SPAG9: variants seen among roughly 807,000 people sequenced by gnomAD.
The protein encoded by SPAG9 is C-Jun-amino-terminal kinase-interacting protein 4.
In SPAG9, 35 loss-of-function variants were observed where a neutral mutation model predicts 166.5. The observed-to-expected ratio is 0.21, with a 90% CI of 0.16 to 0.28. The LOEUF is 0.28. Ranked by LOEUF, SPAG9 falls within the 10% of genes least tolerant of loss-of-function variation. The probability of loss-of-function intolerance (pLI) is 1.00; values close to 1 mark genes in which losing one functional copy is unlikely to be tolerated. For missense variants in SPAG9, 1,235 were observed against 1,603.3 expected (o/e 0.77, Z 3.92); for synonymous variants, 534 against 565.5 (o/e 0.94, Z 0.79).
chr17:51,002,669 G>A (rs2045009291), intron 12 of SPAG9, among the ~76,000 whole-genome samples: 1 of 151,676 alleles, frequency 6.6e-6, no homozygotes, highest in African/African-American at 2.4e-5. Flanking sequence ...GAGGTAGGAG[G>A]ATTGCTTCAG....
chr17:51,069,205 C>A (rs1233709242), intron 2 of SPAG9, among the ~76,000 whole-genome samples: 1 of 151,836 alleles, frequency 6.6e-6, no homozygotes, highest in Non-Finnish European at 1.5e-5. Flanking sequence ...AAACACATAT[C>A]ATCATTAAAA....
chr17:51,048,700 A>G (rs2047098592), intron 3 of SPAG9, among the ~76,000 whole-genome samples: 2 of 152,200 alleles, frequency 1.3e-5, no homozygotes, highest in Non-Finnish European at 2.9e-5. Context: ...TAGGAAATGT[A>G]AGTTAATTTT....
rs1975463964 is a variant in SPAG9 at position 50,990,640 on chromosome 17, T to A, written c.2427A>T (p.Gly809=). The A allele has an allele frequency of 6.2e-7, 1 of 1,614,030 alleles. No homozygotes were observed. Among genetic ancestry groups the A allele is most frequent in the African/African-American group, 1.3e-5 (1 of 74,922 alleles). ...PGARETDYPA[G]EDLSESGQVD... ...CCTGACCAGATTCTGAAAGATCTTCTCCTGCAGGGTAGTCTGTTTCTCGTG... is the reference window on the plus strand; with the variant it reads ...CCTGACCAGATTCTGAAAGATCTTCACCTGCAGGGTAGTCTGTTTCTCGTG... Residue 809 remains glycine, a synonymous_variant, in exon 20 of 30, where the codon GGA becomes GGT. Coordinates refer to ENST00000262013, the MANE Select transcript of SPAG9 (RefSeq NM_001130528.3).
rs774731744 is a variant in SPAG9 at position 50,996,707 on chromosome 17, A to G, written c.1839-13T>C. On this transcript the variant is annotated splice_polypyrimidine_tract_variant and intron_variant, in intron 15 of 29. Coordinates refer to ENST00000262013, the MANE Select transcript of SPAG9 (RefSeq NM_001130528.3). The stretch of plus-strand genomic sequence containing the variant: ...ACTAGCTTCAGTTCTAAAAGGAAAA[A>G]AGATTTTCCTAATTACATGAATACG... 3 of 1,613,290 alleles carry G rather than the reference A, an allele frequency of 1.9e-6. No homozygotes were observed. In the East Asian group the frequency reaches 6.7e-5, roughly 36 times the overall value.
rs531277787 is a variant in SPAG9 at position 51,108,835 on chromosome 17, T to A, written c.303+11519A>T. Among the ~76,000 whole-genome samples the A allele has an allele frequency of 6.9e-4, 105 of 152,104 alleles. 3 individuals are homozygous for A. Among genetic ancestry groups the A allele is most frequent in the African/African-American group, 1.4e-3 (57 of 41,518 alleles). On this transcript the variant is annotated intron_variant, in intron 1 of 29. Coordinates refer to ENST00000262013, the MANE Select transcript of SPAG9 (RefSeq NM_001130528.3). ...ATGTGATAATTTTATTTATTTATTT[T>A]TATTTTTTTTTGAGACAAAAGTTTC...
At chr17:51,008,044 T>C (rs2045300729) in intron 9 of SPAG9, among the ~76,000 whole-genome samples, 1 of 152,190 alleles carries the variant, frequency 6.6e-6, no homozygotes, top group Admixed American at 6.5e-5. Context: ...CCTTCATTCA[T>C]AAGGATGCTG....
intron 3 of SPAG9, among the ~76,000 whole-genome samples, chr17:51,048,591 G>A (rs901124339): frequency 2.6e-5 from 4 of 151,958 alleles, no homozygotes; most frequent in Admixed American, 1.3e-4. Flanking sequence ...AATATGCACT[G>A]TAGCATATTA....
intron 9 of SPAG9, among the ~76,000 whole-genome samples, chr17:51,013,224 A>T (rs73346153): frequency 1.3e-3 from 205 of 152,270 alleles, no homozygotes; most frequent in African/African-American, 4.7e-3. Context: ...ATAGATACAA[A>T]TTTTTTTAGC....
At chr17:50,984,130 A>C (rs1438704906) in intron 24 of SPAG9, among the ~76,000 whole-genome samples, 1 of 152,132 alleles carries the variant, frequency 6.6e-6, no homozygotes, top group Non-Finnish European at 1.5e-5. Flanking sequence ...ATACATACTA[A>C]ATTCCCTCAA....
At chr17:51,032,596 CAA>C (rs2046423211) in intron 5 of SPAG9, among the ~76,000 whole-genome samples, 1 of 152,164 alleles carries the variant, frequency 6.6e-6, no homozygotes, top group Non-Finnish European at 1.5e-5. Flanking sequence ...GGAAATTCAT[CAA>C]AGTCTTTTTG....
chr17:50,982,432 C>G, intron 25 of SPAG9, 92 bp downstream of exon 25: 1 of 1,225,002 alleles, frequency 8.2e-7, no homozygotes, highest in South Asian at 1.7e-5. Context: ...GATCCAGAAA[C>G]AATTTCTAAA....
chr17:50,995,246 C>T (rs1174539756), intron 17 of SPAG9, 22 bp from the exon 18 acceptor site: 3 of 1,602,222 alleles, frequency 1.9e-6, no homozygotes, highest in Non-Finnish European at 2.6e-6. Flanking sequence ...AAAAAGAAAA[C>T]AATATTAAGT....
rs147566351 is a variant in SPAG9 at position 51,010,371 on chromosome 17, A to G, written c.1214-3045T>C. Among the ~76,000 whole-genome samples, 581 of 152,200 alleles carry G rather than the reference A, an allele frequency of 3.8e-3. 2 individuals carry two copies. The highest frequency in any genetic ancestry group is 0.013 in the African/African-American group (555 of 41,540). On this transcript the variant is annotated intron_variant, in intron 9 of 29. Coordinates refer to ENST00000262013, the MANE Select transcript of SPAG9 (RefSeq NM_001130528.3). Reference sequence around the variant, plus strand: ...ATGTGCTAAATATGCAACAGTGAACAAAGACACAGTTGTCTCAGCCACATT... The same window carrying G: ...ATGTGCTAAATATGCAACAGTGAACGAAGACACAGTTGTCTCAGCCACATT...
intron 8 of SPAG9, among the ~76,000 whole-genome samples, chr17:51,018,507 G>A (rs768171196): frequency 5.3e-5 from 8 of 152,084 alleles, no homozygotes; most frequent in African/African-American, 9.7e-5. Context: ...TTCCTGATCT[G>A]GTGGAAGGTA....
In SPAG9 at chr17:50,979,767, G is replaced by A; in HGVS notation, c.3388C>T (p.Pro1130Ser). Residue 1130 changes from proline to serine, a missense_variant, in exon 26 of 30, where the codon CCT (proline) becomes TCT (serine). Around this residue, in one of 6 missense-constraint regions of SPAG9, gnomAD observed 243 missense variants for 358.6 expected, o/e 0.68. Transcript: ENST00000262013. Reference protein sequence around the residue: ...YQHLQDVDIEPYVSKMLGTGK... With the variant: ...YQHLQDVDIESYVSKMLGTGK... ...TTACCTAACATTTTGCTTACATAAG[G>A]CTCAATGTCCACATCCTGTAGATGT... 6.2e-7 allele frequency: 1 copy of A among 1,612,320 alleles called. No homozygotes were observed. Among genetic ancestry groups the A allele is most frequent in the South Asian group, 1.1e-5 (1 of 91,036 alleles).
chr17:51,104,547 A>C (rs1222362478), intron 1 of SPAG9, among the ~76,000 whole-genome samples: 1 of 152,208 alleles, frequency 6.6e-6, no homozygotes, highest in East Asian at 1.9e-4. Flanking sequence ...GAGACAGGAG[A>C]ATCGCTTGAA....
chr17:50,998,213 G>T (rs953446433), intron 15 of SPAG9, among the ~76,000 whole-genome samples: 1 of 151,660 alleles, frequency 6.6e-6, no homozygotes, highest in Non-Finnish European at 1.5e-5. Context: ...TGTATTTTTA[G>T]TAGAGATGGG....
chr17:50,993,027 T>C (rs1975735171), intron 19 of SPAG9, among the ~76,000 whole-genome samples: 2 of 141,866 alleles, frequency 1.4e-5, no homozygotes, highest in African/African-American at 2.7e-5. Context: ...ACCCAGGAGG[T>C]AGAGGTTGCA....
chr17:51,043,399 T>C (rs572433328), intron 4 of SPAG9, among the ~76,000 whole-genome samples: 1 of 152,216 alleles, frequency 6.6e-6, no homozygotes, highest in Non-Finnish European at 1.5e-5. Flanking sequence ...GTACCTATTG[T>C]ACACATACAC....
Sources: allele counts gnomAD v4.1 joint callset (sites outside exome capture counted in the v4.1 genomes callset), GRCh38; gene constraint gnomAD v4.1.1; regional missense constraint gnomAD v4.1.1; transcripts MANE v1.5; gene names NCBI Gene and HGNC (gene_info 2026-07-23, HGNC 2026-07-21).